CILK1: variants seen among roughly 807,000 people sequenced by gnomAD.
CILK1 encodes serine/threonine-protein kinase ICK.
CILK1 carries 47 observed loss-of-function variants against 79.2 expected under a neutral mutation model. The ratio of observed to expected loss-of-function variants is 0.59; its 90% CI spans 0.47 to 0.76. CILK1 has a LOEUF of 0.76. CILK1 is among the 30% of genes least tolerant of loss of function. CILK1 has a pLI of 0.00. For synonymous variants in CILK1, 266 were observed against 275.9 expected (o/e 0.96, Z 0.36); for missense variants, 660 against 769.5 (o/e 0.86, Z 1.68).
At chr6:53,014,517 A>G (rs772532750) in intron 8 of CILK1, among the ~76,000 whole-genome samples, 2 of 152,246 alleles carry the variant, frequency 1.3e-5, no homozygotes, top group Admixed American at 6.5e-5. Context: ...TGTTCTGGAT[A>G]ACTGAGTTTT....
At chr6:53,043,089 G>A (rs1766817604) in intron 1 of CILK1, among the ~76,000 whole-genome samples, 1 of 152,176 alleles carries the variant, frequency 6.6e-6, no homozygotes, top group African/African-American at 2.4e-5. Flanking sequence ...GCTGAGGCAA[G>A]TGGATCACCT....
intron 4 of CILK1, among the ~76,000 whole-genome samples, chr6:53,031,840 CT>C (rs377621129): frequency 5.4e-5 from 8 of 149,246 alleles, no homozygotes; most frequent in Non-Finnish European, 7.5e-5. Flanking sequence ...AATAACTCTT[CT>C]TTTTTTTTTG....
At chr6:53,034,847 C>T (rs1766202700) in intron 3 of CILK1, among the ~76,000 whole-genome samples, 1 of 152,158 alleles carries the variant, frequency 6.6e-6, no homozygotes, top group South Asian at 2.1e-4. Context: ...TCAGTGGGAG[C>T]ATCACCAAGA....
At chr6:53,056,993 A>T (rs1445798688) in intron 1 of CILK1, among the ~76,000 whole-genome samples, 1 of 152,202 alleles carries the variant, frequency 6.6e-6, no homozygotes, top group East Asian at 1.9e-4. Flanking sequence ...GAAGGCATGT[A>T]TATCTTACAT....
chr6:53,010,730 A>G (rs1040842360), intron 11 of CILK1, among the ~76,000 whole-genome samples: 3 of 152,124 alleles, frequency 2.0e-5, no homozygotes, highest in Non-Finnish European at 4.4e-5. Context: ...TTTGGGGCCC[A>G]GTCAAGTTGC....
rs1031312192 is a variant in CILK1 at position 53,001,607 on chromosome 6, T to C, written c.*3542A>G. On this transcript the variant is annotated 3_prime_UTR_variant, in exon 14 of 14. Coordinates refer to ENST00000676107, the MANE Select transcript of CILK1 (RefSeq NM_014920.5). ...ACATTAGCACAGTGTCTATGAGAAATTGATAATACAGATTAATGTGATATT... is the reference window on the plus strand; with the variant it reads ...ACATTAGCACAGTGTCTATGAGAAACTGATAATACAGATTAATGTGATATT... The C allele has an allele frequency of 1.3e-5, 2 of 152,666 alleles. No individual in the cohort carries two copies. The highest frequency in any genetic ancestry group is 1.3e-4 in the Admixed American group (2 of 15,290). 9.5% of individuals were successfully genotyped at this position (152,666 alleles called of 1,614,324 possible). A position where few individuals can be genotyped will look rare whatever the true frequency, so the allele number is the denominator to read the frequency against.
chr6:53,043,983 A>G (rs1378814270), intron 1 of CILK1, among the ~76,000 whole-genome samples: 1 of 152,014 alleles, frequency 6.6e-6, no homozygotes, highest in Non-Finnish European at 1.5e-5. Context: ...AGAAGCAGAA[A>G]CTAAGAGGCA....
At chr6:53,011,735 A>C in intron 11 of CILK1, 34 bp downstream of exon 11, 1 of 1,597,374 alleles carries the variant, frequency 6.3e-7, no homozygotes, top group Non-Finnish European at 8.6e-7. Flanking sequence ...GTTTCTTATT[A>C]ATAATCAAAG....
chr6:53,012,157 A>G lies in CILK1; in HGVS notation c.1223T>C (p.Ile408Thr), dbSNP rs376557887. 39 of 1,614,070 alleles carry G rather than the reference A, an allele frequency of 2.4e-5. No individual in the cohort carries two copies. Among genetic ancestry groups the G allele is most frequent in the Non-Finnish European group, 3.1e-5 (37 of 1,180,044 alleles). The change falls in exon 10 of 14, where the codon ATT becomes ACT. Residue 408 changes from isoleucine to threonine, a missense_variant. Ile to Thr is a moderately conservative substitution (Grantham distance 89). Coordinates refer to ENST00000676107, the MANE Select transcript of CILK1 (RefSeq NM_014920.5). ...KPKSRRRWGLISRSTKDSDDW... is the reference protein window; with the variant it reads ...KPKSRRRWGLTSRSTKDSDDW... The stretch of plus-strand genomic sequence containing the variant: ...ATCTGAATCCTTTGTTGACCTGGAA[A>G]TAAGACCCCACCTTCTCCTACTCTT...
intron 1 of CILK1, among the ~76,000 whole-genome samples, chr6:53,042,678 T>G (rs534064509): frequency 6.6e-6 from 1 of 152,356 alleles, no homozygotes; most frequent in African/African-American, 2.4e-5. Flanking sequence ...GTAGTAATAA[T>G]GTAAAGTGAC....
At chr6:53,059,849 C>T (rs1198758418) in intron 1 of CILK1, among the ~76,000 whole-genome samples, 1 of 152,154 alleles carries the variant, frequency 6.6e-6, no homozygotes, top group Non-Finnish European at 1.5e-5. Context: ...ACTGAAAAGA[C>T]CAGAGGGATG....
chr6:53,059,434 T>C (rs1768228385), intron 1 of CILK1, among the ~76,000 whole-genome samples: 1 of 152,204 alleles, frequency 6.6e-6, no homozygotes, highest in Admixed American at 6.5e-5. Flanking sequence ...ACAGCCAGTA[T>C]AATGAAGGGC....
intron 11 of CILK1, among the ~76,000 whole-genome samples, chr6:53,011,336 G>A (rs1356891938): frequency 3.9e-5 from 6 of 152,148 alleles, no homozygotes; most frequent in Non-Finnish European, 7.4e-5. Context: ...GGTGGCTCAT[G>A]CCTGTAATTC....
At chr6:53,060,048 G>A (rs1768296623) in intron 1 of CILK1, among the ~76,000 whole-genome samples, 1 of 152,052 alleles carries the variant, frequency 6.6e-6, no homozygotes, top group African/African-American at 2.4e-5. Flanking sequence ...AGGAAATGAA[G>A]GAAAAGATGG....
At chr6:53,054,181 T>A (rs1767684022) in intron 1 of CILK1, among the ~76,000 whole-genome samples, 1 of 152,128 alleles carries the variant, frequency 6.6e-6, no homozygotes, top group Non-Finnish European at 1.5e-5. Context: ...CGAGCTCACA[T>A]GTCACCTCTT....
intron 1 of CILK1, among the ~76,000 whole-genome samples, chr6:53,047,173 G>T (rs978016583): frequency 2.6e-5 from 4 of 152,228 alleles, no homozygotes; most frequent in African/African-American, 9.6e-5. Flanking sequence ...TGCAACCAGG[G>T]CTGGGTACGA....
intron 12 of CILK1, among the ~76,000 whole-genome samples, chr6:53,007,803 G>A (rs1161532291): frequency 6.6e-6 from 1 of 151,648 alleles, no homozygotes; most frequent in Non-Finnish European, 1.5e-5. Context: ...AGCTGGGTGT[G>A]GTGGCACATG....
intron 1 of CILK1, among the ~76,000 whole-genome samples, chr6:53,047,636 G>A (rs1767184617): frequency 6.6e-6 from 1 of 151,732 alleles, no homozygotes; most frequent in Non-Finnish European, 1.5e-5. Context: ...TTATCCTACA[G>A]AAGGGAGTTC....
At chr6:53,053,221 A>G (rs114475427) in intron 1 of CILK1, among the ~76,000 whole-genome samples, 88 of 152,298 alleles carry the variant, frequency 5.8e-4, no homozygotes, top group African/African-American at 2.0e-3. Flanking sequence ...CTTCTGGTAC[A>G]GATAGTTAAC....
Sources: gnomAD v4.1 joint callset for allele counts (sites outside exome capture counted in the v4.1 genomes callset) on GRCh38, gnomAD v4.1.1 for gene constraint, MANE v1.5 for transcripts, NCBI Gene and HGNC (gene_info 2026-07-23, HGNC 2026-07-21) for gene names.